Variants in MAGI1 observed in about 807,000 individuals in gnomAD.
The protein encoded by MAGI1 is membrane-associated guanylate kinase, WW and PDZ domain-containing protein 1.
MAGI1 carries 58 observed loss-of-function variants against 139.9 expected under a neutral mutation model. That is an observed-to-expected ratio of 0.41 (90% CI 0.34 to 0.52). The LOEUF (loss-of-function observed/expected upper bound fraction) is 0.52, where lower values mean the gene tolerates loss of function less well. Ranked by LOEUF, MAGI1 falls within the 20% of genes least tolerant of loss-of-function variation. The pLI is 0.12. For synonymous variants in MAGI1, 812 were observed against 737.9 expected, an observed-to-expected ratio of 1.10 and a Z score of -1.63; for missense variants, 1,874 against 1,901.6, an observed-to-expected ratio of 0.99 and a Z score of 0.27.
rs147558937 is a variant in MAGI1 at position 65,488,891 on chromosome 3, G to A, written c.550+4621C>T. ...TTTTGCCATGTTGCCCAGGCTGGTC[G>A]CGAGCTCCTGAGCTCAAGCAATCCT... On this transcript the variant is annotated intron_variant, in intron 3 of 22. Coordinates refer to ENST00000402939, the MANE Select transcript of MAGI1 (RefSeq NM_001033057.2). Among the ~76,000 whole-genome samples the A allele has an allele frequency of 7.6e-3, 1,137 of 149,318 alleles. 13 individuals are homozygous for A. The highest frequency in any genetic ancestry group is 0.027 in the African/African-American group (1,085 of 40,574).
At chr3:65,584,456 G>A (rs1428548523) in intron 2 of MAGI1, among the ~76,000 whole-genome samples, 1 of 152,202 alleles carries the variant, frequency 6.6e-6, no homozygotes, top group Non-Finnish European at 1.5e-5. Context: ...GCGATAAGCA[G>A]TGTTTGACAC....
intron 12 of MAGI1, among the ~76,000 whole-genome samples, chr3:65,403,241 C>A (rs1309826877): frequency 6.6e-6 from 1 of 152,108 alleles, no homozygotes; most frequent in East Asian, 1.9e-4. Flanking sequence ...AATGTCTACA[C>A]CTTTTCACCC....
intron 1 of MAGI1, among the ~76,000 whole-genome samples, chr3:65,771,070 G>T (rs923779351): frequency 6.6e-6 from 1 of 151,922 alleles, no homozygotes; most frequent in African/African-American, 2.4e-5. Context: ...GCTTTGGGAG[G>T]CCAAGGCGGG....
chr3:65,793,513 A>G (rs1302731975), intron 1 of MAGI1, among the ~76,000 whole-genome samples: 3 of 152,240 alleles, frequency 2.0e-5, no homozygotes, highest in Non-Finnish European at 4.4e-5. Context: ...TGAGGCATGG[A>G]GCTGGGAGCT....
intron 1 of MAGI1, among the ~76,000 whole-genome samples, chr3:65,820,974 C>T (rs1382401102): frequency 6.6e-6 from 1 of 152,060 alleles, no homozygotes; most frequent in Admixed American, 6.6e-5. Context: ...GTAGGCAAAA[C>T]GATGTTATTC....
rs188110974 is a variant in MAGI1 at position 65,596,617 on chromosome 3, T to C, written c.430+25355A>G. Among the ~76,000 whole-genome samples, 509 of 152,314 alleles carry C rather than the reference T, an allele frequency of 3.3e-3. 5 individuals carry two copies. Among genetic ancestry groups the C allele is most frequent in the African/African-American group, 0.011 (477 of 41,564 alleles). On this transcript the variant is annotated intron_variant, in intron 2 of 22. Transcript: ENST00000402939. ...AGACAAAGTCTATATACCAACACTG[T>C]GGACAAGACAGCTTCCTTGTACACT...
intron 1 of MAGI1, among the ~76,000 whole-genome samples, chr3:65,833,230 T>A (rs1472982330): frequency 6.6e-6 from 1 of 152,078 alleles, no homozygotes; most frequent in Non-Finnish European, 1.5e-5. Flanking sequence ...GAGATTCTCC[T>A]ACCTAAACCT....
At chr3:65,756,036 T>G (rs992463748) in intron 1 of MAGI1, among the ~76,000 whole-genome samples, 4 of 152,208 alleles carry the variant, frequency 2.6e-5, no homozygotes, top group African/African-American at 9.7e-5. Flanking sequence ...CAATGAAAGA[T>G]TCCAAAGATT....
At chr3:65,673,168 G>C (rs1222383848) in intron 1 of MAGI1, among the ~76,000 whole-genome samples, 2 of 152,224 alleles carry the variant, frequency 1.3e-5, no homozygotes, top group South Asian at 2.1e-4. Flanking sequence ...ATGAGGGACA[G>C]CATCCGTACA....
intron 14 of MAGI1, among the ~76,000 whole-genome samples, chr3:65,384,971 C>A (rs1198627167): frequency 1.3e-5 from 2 of 152,050 alleles, no homozygotes; most frequent in African/African-American, 4.8e-5. Context: ...ATCAGCCAGG[C>A]CTCCAAATCC....
At chr3:65,966,397 ATAGT>A (rs1461709752) in intron 1 of MAGI1, among the ~76,000 whole-genome samples, 39 of 152,208 alleles carry the variant, frequency 2.6e-4, no homozygotes, top group African/African-American at 9.2e-4. Context: ...ATAATAAATA[ATAGT>A]TAGGTGCGTC....
chr3:65,950,086 AAAAC>A (rs139051848), intron 1 of MAGI1, among the ~76,000 whole-genome samples: 1 of 76,076 alleles, frequency 1.3e-5, no homozygotes, highest in Non-Finnish European at 3.0e-5. Flanking sequence ...AACAAAAAAA[AAAAC>A]AAACAAAAAA....
chr3:65,873,917 A>T (rs2060023257), intron 1 of MAGI1: 1 of 152,072 alleles, frequency 6.6e-6, no homozygotes, highest in African/African-American at 2.4e-5. Context: ...AAGCCTATTT[A>T]AATATAAACC....
At chr3:65,627,949 TAATATTC>T (rs1418312415) in intron 1 of MAGI1, among the ~76,000 whole-genome samples, 3 of 152,198 alleles carry the variant, frequency 2.0e-5, no homozygotes, top group African/African-American at 7.2e-5. Flanking sequence ...AAATGTTGTA[TAATATTC>T]AATATTAAAA....
At chr3:65,434,208 T>A (rs4381883) in intron 10 of MAGI1, among the ~76,000 whole-genome samples, 4 of 152,050 alleles carry the variant, frequency 2.6e-5, no homozygotes, top group Non-Finnish European at 5.9e-5. Context: ...CCTCTCTGCC[T>A]GAGTATCACA....
intron 1 of MAGI1, among the ~76,000 whole-genome samples, chr3:65,710,373 C>T (rs576120712): frequency 6.7e-6 from 1 of 149,890 alleles, no homozygotes; most frequent in South Asian, 2.1e-4. Flanking sequence ...CTCCGCCTCC[C>T]AGGTTCAAGC....
intron 1 of MAGI1, among the ~76,000 whole-genome samples, chr3:65,800,861 C>T (rs868250469): frequency 6.6e-6 from 1 of 151,804 alleles, no homozygotes; most frequent in African/African-American, 2.4e-5. Flanking sequence ...TTTATTGTTC[C>T]TGTTAGGTTG....
At chr3:65,463,268 T>C (rs986528636) in intron 5 of MAGI1, among the ~76,000 whole-genome samples, 5 of 152,190 alleles carry the variant, frequency 3.3e-5, no homozygotes, top group African/African-American at 4.8e-5. Flanking sequence ...CATTTTGAGA[T>C]ATGTTCCAAC....
chr3:65,974,574 G>A (rs755403535), intron 1 of MAGI1, among the ~76,000 whole-genome samples: 8 of 152,136 alleles, frequency 5.3e-5, no homozygotes, highest in Admixed American at 6.5e-5. Flanking sequence ...TCCAAGACTG[G>A]CCTAGCTGGG....
Sources: allele counts gnomAD v4.1 joint callset (sites outside exome capture counted in the v4.1 genomes callset), GRCh38; gene constraint gnomAD v4.1.1; transcripts MANE v1.5; gene names NCBI Gene and HGNC (gene_info 2026-07-23, HGNC 2026-07-21).